Variants in DNAH9 observed in about 807,000 individuals in gnomAD.
DNAH9 encodes dynein axonemal heavy chain 9.
Under a neutral mutation model 471.6 loss-of-function variants are expected in DNAH9, and 345 were observed. The observed-to-expected ratio is 0.73, with a 90% CI of 0.67 to 0.80. DNAH9 has a LOEUF of 0.80. DNAH9 is among the 30% of genes least tolerant of loss of function. The pLI is 0.00. For missense variants in DNAH9, 5,407 were observed against 5,609.2 expected, an observed-to-expected ratio of 0.96 and a Z score of 1.15; for synonymous variants, 2,093 against 2,123.6, an observed-to-expected ratio of 0.99 and a Z score of 0.40.
chr17:11,956,364 A>C, intron 67 of DNAH9, among the ~76,000 whole-genome samples: 1 of 152,274 alleles, frequency 6.6e-6, no homozygotes, highest in African/African-American at 2.4e-5. Context: ...ATAGAATCAA[A>C]AGAAGAAATA....
chr17:11,614,999 CAAA>C (rs905127364), intron 4 of DNAH9, among the ~76,000 whole-genome samples: 1 of 152,100 alleles, frequency 6.6e-6, no homozygotes, highest in African/African-American at 2.4e-5. Context: ...AGAAGGCACA[CAAA>C]GAAGGGCTGT....
chr17:11,653,008 A>C lies in DNAH9; in HGVS notation c.2595+6A>C, dbSNP rs2073548356. 1 of 1,613,046 alleles carries C rather than the reference A, an allele frequency of 6.2e-7. No individual in the cohort carries two copies. Among genetic ancestry groups the C allele is most frequent in the Non-Finnish European group, 8.5e-7 (1 of 1,179,840 alleles). On this transcript the variant is annotated splice_donor_region_variant and intron_variant, in intron 14 of 68. Transcript: ENST00000262442. ...AGATCCACGCCCTTGTTCAGGTAATAACCCAGCCACTCAGGCGCACATACT... is the reference window on the plus strand; with the variant it reads ...AGATCCACGCCCTTGTTCAGGTAATCACCCAGCCACTCAGGCGCACATACT...
At chr17:11,775,456 T>C (rs1009350786) in intron 38 of DNAH9, among the ~76,000 whole-genome samples, 2 of 152,120 alleles carry the variant, frequency 1.3e-5, no homozygotes, top group Admixed American at 6.6e-5. Flanking sequence ...AAATAATGTT[T>C]TGGGAAAAAA....
At chr17:11,693,006 A>T (rs1408389976) in intron 20 of DNAH9, among the ~76,000 whole-genome samples, 1 of 147,520 alleles carries the variant, frequency 6.8e-6, no homozygotes, top group Non-Finnish European at 1.5e-5. Flanking sequence ...CCCGGTTTCG[A>T]GCGATTCTCC....
chr17:11,961,916 A>ACTT lies in DNAH9; in HGVS notation c.12895_12897dup (p.Phe4299dup). On this transcript the variant is annotated inframe_insertion, in exon 68 of 69. Coordinates refer to ENST00000262442, the MANE Select transcript of DNAH9 (RefSeq NM_001372.4). ...ATGGAGAACTTACAGAATGCCCTGT[A>ACTT]CTTCGATATGGTGCCAGAGTCCTGG... The ACTT allele has an allele frequency of 6.2e-7, 1 of 1,613,922 alleles. No homozygotes were observed. The highest frequency in any genetic ancestry group is 8.5e-7 in the Non-Finnish European group (1 of 1,179,954).
Position 11,752,013 on chromosome 17 carries a change from G to A in DNAH9, c.6611-820G>A, listed in dbSNP as rs776691779. 4.1e-4 allele frequency among the ~76,000 whole-genome samples: 63 copies of A among 152,260 alleles called. 1 individual carries two copies. The highest frequency in any genetic ancestry group is 7.6e-4 in the Non-Finnish European group (52 of 68,008). On this transcript the variant is annotated intron_variant, in intron 32 of 68. Coordinates refer to ENST00000262442, the MANE Select transcript of DNAH9 (RefSeq NM_001372.4). Reference sequence around the variant, plus strand: ...TTTTCACAGTAGCAATAAAAATCATGAGATATTTAGGAACACATTTAACCA... The same window carrying A: ...TTTTCACAGTAGCAATAAAAATCATAAGATATTTAGGAACACATTTAACCA...
intron 50 of DNAH9, among the ~76,000 whole-genome samples, chr17:11,862,079 G>C (rs191233100): frequency 2.7e-4 from 33 of 122,552 alleles, no homozygotes; most frequent in Admixed American, 2.2e-3. Context: ...TGGTGTTTTA[G>C]ACGTGAAGTC....
At chr17:11,736,756 A>G (rs569720733) in intron 28 of DNAH9, among the ~76,000 whole-genome samples, 3 of 152,318 alleles carry the variant, frequency 2.0e-5, no homozygotes, top group South Asian at 2.1e-4. Flanking sequence ...CCAATCCAAA[A>G]GTGCATCATA....
intron 53 of DNAH9, among the ~76,000 whole-genome samples, chr17:11,877,628 C>CTTA (rs1483564369): frequency 6.6e-6 from 1 of 152,004 alleles, no homozygotes; most frequent in Non-Finnish European, 1.5e-5. Flanking sequence ...CATGCACGCA[C>CTTA]TAAGGTCCAG....
intron 45 of DNAH9, among the ~76,000 whole-genome samples, chr17:11,817,883 A>AT (rs61404478): frequency 0.049 from 7,441 of 152,050 alleles, 623 homozygotes; most frequent in African/African-American, 0.17. Context: ...ATGATAATTC[A>AT]TTTTTTTATT....
chr17:11,793,059 T>C (rs1406063329), intron 41 of DNAH9, among the ~76,000 whole-genome samples: 1 of 152,244 alleles, frequency 6.6e-6, no homozygotes. Flanking sequence ...GTTATTTTTA[T>C]GATGAGCACA....
chr17:11,739,014 A>G lies in DNAH9; in HGVS notation c.5949A>G (p.Pro1983=), dbSNP rs1245731007. The stretch of plus-strand genomic sequence containing the variant: ...GCTATGCTGGCCGCACAGAGCTGCC[A>G]GAGAATCTCAAGTCTCTCTTCAGGT... ...NPGYAGRTEL[P]ENLKSLFRPC... Residue 1983 remains proline (P), a synonymous_variant, in exon 29 of 69, where the codon CCA becomes CCG. Coordinates refer to ENST00000262442, the MANE Select transcript of DNAH9 (RefSeq NM_001372.4). 1 of 1,613,848 alleles carries G rather than the reference A, an allele frequency of 6.2e-7. No individual in the cohort carries two copies. The highest frequency in any genetic ancestry group is 1.3e-5 in the African/African-American group (1 of 74,942).
chr17:11,730,963 GTGA>G (rs1202366128), intron 28 of DNAH9, among the ~76,000 whole-genome samples: 8 of 130,334 alleles, frequency 6.1e-5, no homozygotes, highest in East Asian at 2.3e-4. Context: ...GATGGTGGTG[GTGA>G]TGATGGTGAT....
At chr17:11,727,487 G>T (rs565258540) in intron 27 of DNAH9, among the ~76,000 whole-genome samples, 1 of 152,072 alleles carries the variant, frequency 6.6e-6, no homozygotes, top group African/African-American at 2.4e-5. Context: ...TGGGTGGAAG[G>T]CTTTTTGTCT....
chr17:11,729,827 G>A (rs1385415422), intron 28 of DNAH9, among the ~76,000 whole-genome samples: 2 of 152,210 alleles, frequency 1.3e-5, no homozygotes, highest in Non-Finnish European at 1.5e-5. Context: ...TTCACAGGTA[G>A]GTGTGGACGT....
At chr17:11,687,340 T>C (rs1548717) in intron 19 of DNAH9, among the ~76,000 whole-genome samples, 1,644 of 152,334 alleles carry the variant, frequency 0.011, 34 homozygotes, top group African/African-American at 0.038. Flanking sequence ...AATTTAATAG[T>C]ATGCATAACT....
intron 5 of DNAH9, among the ~76,000 whole-genome samples, chr17:11,618,459 G>A (rs1274756948): frequency 1.3e-5 from 2 of 152,008 alleles, no homozygotes; most frequent in Non-Finnish European, 2.9e-5. Flanking sequence ...GGTGGTGCAC[G>A]CCTGTAGTCC....
intron 41 of DNAH9, among the ~76,000 whole-genome samples, chr17:11,790,295 C>T (rs887319372): frequency 4.0e-5 from 6 of 151,730 alleles, no homozygotes; most frequent in Admixed American, 6.6e-5. Flanking sequence ...ATGGTGGGTA[C>T]GTTTATTTTT....
chr17:11,828,492 G>T (rs1200213913), intron 48 of DNAH9, among the ~76,000 whole-genome samples: 1 of 100,898 alleles, frequency 9.9e-6, no homozygotes, highest in African/African-American at 3.6e-5. Context: ...AAAAAATAGT[G>T]CCCGAACAGA....
Sources: allele counts gnomAD v4.1 joint callset (sites outside exome capture counted in the v4.1 genomes callset), GRCh38; gene constraint gnomAD v4.1.1; transcripts MANE v1.5; gene names NCBI Gene and HGNC (gene_info 2026-07-23, HGNC 2026-07-21).